Variants in SLITRK2 observed in about 807,000 individuals in gnomAD.
SLITRK2 encodes SLIT and NTRK like family member 2.
A neutral mutation model predicts 35.4 loss-of-function variants in SLITRK2; 13 were observed. The observed-to-expected ratio is 0.37, with a 90% CI of 0.24 to 0.58. The LOEUF (loss-of-function observed/expected upper bound fraction) is 0.58, where lower values mean the gene tolerates loss of function less well. Among genes scored for constraint, SLITRK2 ranks in the 20% least tolerant of loss-of-function variants. The pLI, the probability that SLITRK2 is intolerant of heterozygous loss-of-function variation, is 0.75. For synonymous variants in SLITRK2, 294 were observed against 264.7 expected (o/e 1.11, Z -1.07); for missense variants, 471 against 634.3 (o/e 0.74, Z 2.76).
In SLITRK2 at chrX:145,820,541, G is replaced by C. The variant is rs1456849732; in HGVS notation, c.-730+5G>C. 1 of 111,836 alleles carries C rather than the reference G, an allele frequency of 8.9e-6. No individual in the cohort carries two copies. The highest frequency in any genetic ancestry group is 3.3e-5 in the African/African-American group (1 of 30,665). 9.2% of individuals were successfully genotyped at this position (111,836 alleles called of 1,213,427 possible). On this transcript the variant is annotated splice_donor_5th_base_variant and intron_variant, in intron 2 of 4. Transcript: ENST00000335565. ...CAGAGCCAGATCAGAACCCAGGTAA[G>C]CTCGGTCTCAGGCCAGGATTCCTTT...
At position 145,825,639 on chromosome X, in the gene SLITRK2, A is replaced by G. The variant is rs2073115822; in HGVS notation, c.*676A>G. 4.0e-5 allele frequency: 5 copies of G among 123,775 alleles called. No individual in the cohort carries two copies. The allele number at this position is 123,775 out of a possible 1,213,427, so 10.2% of individuals were successfully genotyped here. ...TGTGTCAGCTATATTAAGTCAACGT[A>G]CAGTTTGCTTGAGTTATAGAAACCA... On this transcript the variant is annotated 3_prime_UTR_variant, in exon 5 of 5. Coordinates refer to ENST00000335565, the MANE Select transcript of SLITRK2 (RefSeq NM_032539.5).
chrX:145,822,496 C>A lies in SLITRK2; in HGVS notation c.71C>A (p.Thr24Asn), dbSNP rs1556943711. Reference sequence around the variant, plus strand: ...ATCTTACAGACAGAGAGTCGCAAAACTGCCAAAGACATTTGCAAGATCCGC... The same window carrying A: ...ATCTTACAGACAGAGAGTCGCAAAAATGCCAAAGACATTTGCAAGATCCGC... ...AGILQTESRKTAKDICKIRCL... is the reference protein window; with the variant it reads ...AGILQTESRKNAKDICKIRCL... The change falls in exon 5 of 5, where the codon ACT (threonine) becomes AAT (asparagine). Residue 24 changes from threonine (T) to asparagine (N), a missense_variant. This residue lies in a region of SLITRK2 where 98 missense variants were observed against 120.6 expected (regional missense o/e 0.81). Transcript: ENST00000335565. The A allele has an allele frequency of 8.3e-7, 1 of 1,210,747 alleles. No individual in the cohort carries two copies. The highest frequency in any genetic ancestry group is 2.2e-5 in the Admixed American group (1 of 46,021).
Position 145,822,833 on chromosome X carries a change from G to T in SLITRK2, c.408G>T (p.Leu136=), listed in dbSNP as rs2124157600. The change falls in exon 5 of 5, where the codon CTG becomes CTT. Residue 136 remains leucine (L), a synonymous_variant. Transcript: ENST00000335565. ...ACACCTTCCTAGGCCTGGAGAGCCT[G>T]GAGTATCTCCAGGCCGACTACAATT... The part of the protein sequence containing the change: ...REDTFLGLES[L]EYLQADYNYI... 1.7e-6 allele frequency: 2 copies of T among 1,209,777 alleles called. No individual in the cohort carries two copies. Among genetic ancestry groups the T allele is most frequent in the Non-Finnish European group, 2.2e-6 (2 of 894,147 alleles).
rs1023877183 is a variant in SLITRK2 at position 145,822,138 on chromosome X, C to A, written c.-59C>A. The A allele has an allele frequency of 1.3e-4, 38 of 294,935 alleles. No homozygotes were observed. The highest frequency in any genetic ancestry group is 1.8e-4 in the Non-Finnish European group (30 of 171,426). The allele number at this position is 294,935 out of a possible 1,213,427, so 24.3% of individuals were successfully genotyped here. A position where few individuals can be genotyped will look rare whatever the true frequency, so the allele number is the denominator to read the frequency against. ...CTAATGACTTGGCGGCTGGCTGCGA[C>A]CCCCCGGGAAATCAGGTGCAAGCAT... On this transcript the variant is annotated 5_prime_UTR_variant, in exon 4 of 5. Coordinates refer to ENST00000335565, the MANE Select transcript of SLITRK2 (RefSeq NM_032539.5).
Position 145,825,172 on chromosome X carries a change from T to A in SLITRK2, c.*209T>A. On this transcript the variant is annotated 3_prime_UTR_variant, in exon 5 of 5. Transcript: ENST00000335565. ...TCTCTCTCGCTCTCCTCCCCTCCTT[T>A]TTTTTTTTTTTTTTTTTTTCTTTTT... 1 of 27,030 alleles carries A rather than the reference T, an allele frequency of 3.7e-5. No individual in the cohort carries two copies. The highest frequency in any genetic ancestry group is 1.1e-4 in the Non-Finnish European group (1 of 8,911). 2.2% of individuals were successfully genotyped at this position (27,030 alleles called of 1,213,427 possible).
At chrX:145,818,060 C>T (rs2072915116) in intron 1 of SLITRK2, 34 bp downstream of exon 1, 1 of 111,654 alleles carries the variant, frequency 9.0e-6, no homozygotes, top group African/African-American at 3.3e-5. Flanking sequence ...GCGGTGGCGA[C>T]GCGGCCAGTG....
At position 145,823,971 on chromosome X, in the gene SLITRK2, G is replaced by T; in HGVS notation, c.1546G>T (p.Asp516Tyr). 8.3e-7 allele frequency: 1 copy of T among 1,211,202 alleles called. No individual in the cohort carries two copies. Among genetic ancestry groups the T allele is most frequent in the Non-Finnish European group, 1.1e-6 (1 of 895,363 alleles). The part of the protein sequence containing the change: ...FSHLPVKGVL[D>Y]QLPAFIQIDL... ...TCACCTGCCCGTGAAAGGGGTTCTG[G>T]ATCAGCTCCCGGCTTTCATCCAGAT... is the stretch of plus-strand genomic sequence containing the variant. The change falls in exon 5 of 5, where the codon GAT becomes TAT. Residue 516 changes from aspartate (D) to tyrosine (Y), a missense_variant. By Grantham distance (160) the Asp-to-Tyr change is radical. Transcript: ENST00000335565.
Position 145,823,900 on chromosome X carries a change from G to C in SLITRK2, c.1475G>C (p.Gly492Ala), listed in dbSNP as rs782398546. 2 of 1,209,179 alleles carry C rather than the reference G, an allele frequency of 1.7e-6. No homozygotes were observed. Among genetic ancestry groups the C allele is most frequent in the Admixed American group, 2.2e-5 (1 of 45,676 alleles). ...LLRSLPDNIF[G>A]GTALTRLNLR... ...CGGTCCTTACCTGATAATATATTTG[G>C]GGGGACGGCCCTAACCAGGCTGAAT... The change falls in exon 5 of 5, where the codon GGG becomes GCG. Residue 492 changes from glycine to alanine, a missense_variant. Gly to Ala is a moderately conservative substitution (Grantham distance 60). Around this residue, in one of 7 missense-constraint regions of SLITRK2, gnomAD observed 92 missense variants for 184.2 expected, o/e 0.50. Coordinates refer to ENST00000335565, the MANE Select transcript of SLITRK2 (RefSeq NM_032539.5).
chrX:145,823,916 C>A lies in SLITRK2; in HGVS notation c.1491C>A (p.Thr497=). The A allele has an allele frequency of 8.3e-7, 1 of 1,211,411 alleles. No individual in the cohort carries two copies. The highest frequency in any genetic ancestry group is 1.7e-5 in the African/African-American group (1 of 57,760). The change falls in exon 5 of 5, where the codon ACC becomes ACA. Residue 497 remains threonine, a synonymous_variant. Coordinates refer to ENST00000335565, the MANE Select transcript of SLITRK2 (RefSeq NM_032539.5). ...ATATATTTGGGGGGACGGCCCTAACCAGGCTGAATCTGAGAAACAACCATT... is the reference window on the plus strand; with the variant it reads ...ATATATTTGGGGGGACGGCCCTAACAAGGCTGAATCTGAGAAACAACCATT... The part of the protein sequence containing the change: ...PDNIFGGTAL[T]RLNLRNNHFS...
chrX:145,825,053 C>T lies in SLITRK2; in HGVS notation c.*90C>T. 1 of 1,014,797 alleles carries T rather than the reference C, an allele frequency of 9.9e-7. No homozygotes were observed. The highest frequency in any genetic ancestry group is 1.3e-6 in the Non-Finnish European group (1 of 759,388). The allele number at this position is 1,014,797 out of a possible 1,213,427, so 83.6% of individuals were successfully genotyped here. A position where few individuals can be genotyped will look rare whatever the true frequency, so the allele number is the denominator to read the frequency against. On this transcript the variant is annotated 3_prime_UTR_variant, in exon 5 of 5. Coordinates refer to ENST00000335565, the MANE Select transcript of SLITRK2 (RefSeq NM_032539.5). Reference sequence around the variant, plus strand: ...ATTAGCTTTTGTGTTTGTTTTTGTTCTCCCTTTCCCAGTGTTAATGGGGGA... The same window carrying T: ...ATTAGCTTTTGTGTTTGTTTTTGTTTTCCCTTTCCCAGTGTTAATGGGGGA...
rs200149621 is a variant in SLITRK2, at chrX:145,822,411, C to T, written c.-15C>T. 852 of 1,191,574 alleles carry T rather than the reference C, an allele frequency of 7.2e-4. 4 individuals are homozygous for T. The African/African-American group carries it at 0.013, about 18-fold the overall frequency. On this transcript the variant is annotated 5_prime_UTR_variant, in exon 5 of 5. Coordinates refer to ENST00000335565, the MANE Select transcript of SLITRK2 (RefSeq NM_032539.5). Reference sequence around the variant, plus strand: ...TGCCTGTAGGTACCTGAGTTGACACCGAAGGTGCCTAAAGATGCTGAGCGG... The same window carrying T: ...TGCCTGTAGGTACCTGAGTTGACACTGAAGGTGCCTAAAGATGCTGAGCGG...
At chrX:145,820,050 G>T (rs2072971190) in intron 1 of SLITRK2, 1 of 112,171 alleles carries the variant, frequency 8.9e-6, no homozygotes, top group East Asian at 2.8e-4. Flanking sequence ...AGGAGAAGGG[G>T]AGAAGCAAGG....
At position 145,825,510 on chromosome X, in the gene SLITRK2, C is replaced by T. The variant is rs2073113738; in HGVS notation, c.*547C>T. The T allele has an allele frequency of 8.1e-6, 1 of 123,372 alleles. No homozygotes were observed. The highest frequency in any genetic ancestry group is 3.2e-5 in the African/African-American group (1 of 30,801). 10.2% of individuals were successfully genotyped at this position (123,372 alleles called of 1,213,427 possible). A position where few individuals can be genotyped will look rare whatever the true frequency, so the allele number is the denominator to read the frequency against. ...TCACTACTTTGTGTTAAAGTGCCTT[C>T]GCACTTTAAGTACATTACTTAAATG... On this transcript the variant is annotated 3_prime_UTR_variant, in exon 5 of 5. Coordinates refer to ENST00000335565, the MANE Select transcript of SLITRK2 (RefSeq NM_032539.5).
rs1216483212 is a variant in SLITRK2 at position 145,827,560 on chromosome X, A to G, written c.*2597A>G. On this transcript the variant is annotated 3_prime_UTR_variant, in exon 5 of 5. Transcript: ENST00000335565. ...TACTTACACGATTTTAAAGACGCCT[A>G]CTGAGAGAACTCAAATTTATAAACT... The G allele has an allele frequency of 4.5e-6, 3 of 660,678 alleles. No homozygotes were observed. The highest frequency in any genetic ancestry group is 2.2e-5 in the African/African-American group (1 of 44,506). The allele number at this position is 660,678 out of a possible 1,213,427, so 54.4% of individuals were successfully genotyped here. A position where few individuals can be genotyped will look rare whatever the true frequency, so the allele number is the denominator to read the frequency against.
rs2073039542 is a variant in SLITRK2, at chrX:145,822,493, A to G, written c.68A>G (p.Lys23Arg). 1 of 1,211,319 alleles carries G rather than the reference A, an allele frequency of 8.3e-7. No individual in the cohort carries two copies. The highest frequency in any genetic ancestry group is 2.2e-5 in the Admixed American group (1 of 46,051). Residue 23 changes from lysine to arginine, a missense_variant, in exon 5 of 5, where the codon AAA (lysine) becomes AGA (arginine). By Grantham distance (26) the Lys-to-Arg change is conservative. Around this residue, in one of 7 missense-constraint regions of SLITRK2, gnomAD observed 98 missense variants for 120.6 expected, o/e 0.81. Transcript: ENST00000335565. ...GGGATCTTACAGACAGAGAGTCGCA[A>G]AACTGCCAAAGACATTTGCAAGATC... ...VAGILQTESR[K>R]TAKDICKIRC... is the part of the protein sequence containing the mutation.
rs2073037415 is a variant in SLITRK2 at position 145,822,437 on chromosome X, C to G, written c.12C>G (p.Gly4=). 3.3e-6 allele frequency: 4 copies of G among 1,205,637 alleles called. No homozygotes were observed. In the African/African-American group the frequency reaches 7.0e-5, roughly 21 times the overall value. The change falls in exon 5 of 5, where the codon GGC becomes GGG. Residue 4 remains glycine, a synonymous_variant. Coordinates refer to ENST00000335565, the MANE Select transcript of SLITRK2 (RefSeq NM_032539.5). The part of the protein sequence containing the change: MLS[G]VWFLSVLTVA... ...GAAGGTGCCTAAAGATGCTGAGCGG[C>G]GTTTGGTTCCTCAGTGTGTTAACCG...
At position 145,821,676 on chromosome X, in the gene SLITRK2, G is replaced by A. The variant is rs1404208341; in HGVS notation, c.-401G>A. 3.6e-5 allele frequency: 4 copies of A among 111,572 alleles called. No homozygotes were observed. The highest frequency in any genetic ancestry group is 7.5e-5 in the Non-Finnish European group (4 of 53,145). 9.2% of individuals were successfully genotyped at this position (111,572 alleles called of 1,213,427 possible). On this transcript the variant is annotated 5_prime_UTR_variant, in exon 3 of 5. Transcript: ENST00000335565. ...ACCCCAGTCCCTCCCTGGCAGCTCG[G>A]CTTCCCTCAGCTCCAACTCTTCTCT...
rs1487462373 is a variant in SLITRK2 at position 145,826,488 on chromosome X, A to G, written c.*1525A>G. ...TCATTTTGGTGTTAGCATTAAAATG[A>G]TTTTAATTAGCCAAGTCTATATAAC... is the stretch of plus-strand genomic sequence containing the variant. On this transcript the variant is annotated 3_prime_UTR_variant, in exon 5 of 5. Coordinates refer to ENST00000335565, the MANE Select transcript of SLITRK2 (RefSeq NM_032539.5). 8.9e-6 allele frequency: 1 copy of G among 112,275 alleles called. No individual in the cohort carries two copies. The highest frequency in any genetic ancestry group is 1.9e-5 in the Non-Finnish European group (1 of 53,251). The allele number at this position is 112,275 out of a possible 1,213,427, so 9.3% of individuals were successfully genotyped here.
rs5904151 is a variant in SLITRK2, at chrX:145,825,169, C to CTTTTTTTTTTTT, written c.*217_*228dup. ...ATTTCTCTCTCGCTCTCCTCCCCTC[C>CTTTTTTTTTTTT]TTTTTTTTTTTTTTTTTTTTTTCTT... is the stretch of plus-strand genomic sequence containing the variant. On this transcript the variant is annotated 3_prime_UTR_variant, in exon 5 of 5. Transcript: ENST00000335565. 1.8e-5 allele frequency: 4 copies of CTTTTTTTTTTTT among 218,768 alleles called. 1 individual carries two copies. Among genetic ancestry groups the CTTTTTTTTTTTT allele is most frequent in the African/African-American group, 9.5e-5 (2 of 21,091 alleles). 18.0% of individuals were successfully genotyped at this position (218,768 alleles called of 1,213,427 possible).
Sources: allele counts gnomAD v4.1 joint callset, GRCh38; gene constraint gnomAD v4.1.1; regional missense constraint gnomAD v4.1.1; transcripts MANE v1.5; gene names NCBI Gene and HGNC (gene_info 2026-07-23, HGNC 2026-07-21).